UNC79: variants seen among roughly 807,000 people sequenced by gnomAD.
The protein encoded by UNC79 is unc-79 subunit of NALCN channel complex.
A neutral mutation model predicts 283.1 loss-of-function variants in UNC79; 37 were observed. The ratio of observed to expected loss-of-function variants is 0.13; its 90% CI spans 0.10 to 0.17. UNC79 has a LOEUF of 0.17. Ranked by LOEUF, UNC79 falls within the 10% of genes least tolerant of loss-of-function variation. UNC79 has a pLI of 1.00. For missense variants in UNC79, 2,272 were observed against 3,211.1 expected (o/e 0.71, Z 7.07); for synonymous variants, 1,107 against 1,200.2 (o/e 0.92, Z 1.61).
chr14:93,512,247 T>C (rs1179577379), intron 7 of UNC79, among the ~76,000 whole-genome samples: 1 of 152,196 alleles, frequency 6.6e-6, no homozygotes, highest in Non-Finnish European at 1.5e-5. Context: ...AATAGGAAAT[T>C]ACATATTATT....
In UNC79 at chr14:93,372,155, ATACTT is replaced by A. The variant is rs1057483775; in HGVS notation, c.-351+38635_-351+38639del. 9.2e-5 allele frequency among the ~76,000 whole-genome samples: 14 copies of A among 152,148 alleles called. No homozygotes were observed. The East Asian group carries it at 2.4e-3, about 26-fold the overall frequency. On this transcript the variant is annotated intron_variant, in intron 1 of 49. Transcript: ENST00000256339. The stretch of plus-strand genomic sequence containing the variant: ...TAAAGAAGGAATAAGTGAAGATAAA[ATACTT>A]TAATTTTTCTTCTTAATTGGTCATA...
intron 1 of UNC79, among the ~76,000 whole-genome samples, chr14:93,442,926 TA>T (rs1305655640): frequency 6.6e-6 from 1 of 152,116 alleles, no homozygotes; most frequent in East Asian, 1.9e-4. Flanking sequence ...CTATATCTAC[TA>T]AAAGTACAAA....
At chr14:93,524,925 A>G (rs2140997183) in intron 8 of UNC79, among the ~76,000 whole-genome samples, 1 of 152,268 alleles carries the variant, frequency 6.6e-6, no homozygotes, top group East Asian at 1.9e-4. Flanking sequence ...ACCAAATACT[A>G]ATAGAAAACT....
intron 1 of UNC79, among the ~76,000 whole-genome samples, chr14:93,343,656 A>G (rs576171032): frequency 6.6e-6 from 1 of 152,334 alleles, no homozygotes; most frequent in East Asian, 1.9e-4. Flanking sequence ...GGGCTGAGGT[A>G]GTGCAATCTT....
rs1555398886 is a variant in UNC79 at position 93,357,858 on chromosome 14, T to TATATATGG, written c.-351+24350_-351+24357dup. Among the ~76,000 whole-genome samples the TATATATGG allele has an allele frequency of 7.7e-4, 36 of 46,984 alleles. 1 individual carries two copies. In the Admixed American group the frequency reaches 1.0e-2, roughly 13 times the overall value. 30.8% of individuals were successfully genotyped at this position (46,984 alleles called of 152,430 possible). A position where few individuals can be genotyped will look rare whatever the true frequency, so the allele number is the denominator to read the frequency against. ...ATGTATATATATGGATATATGGATA[T>TATATATGG]ATATATGGATATATGGATATATATA... On this transcript the variant is annotated intron_variant, in intron 1 of 49. Transcript: ENST00000256339.
chr14:93,633,741 T>C (rs1162166383), intron 31 of UNC79, among the ~76,000 whole-genome samples: 2 of 152,174 alleles, frequency 1.3e-5, no homozygotes, highest in Non-Finnish European at 2.9e-5. Flanking sequence ...TTTTTCATTG[T>C]TTTCTGGTTT....
Position 93,436,203 on chromosome 14 carries a change from A to C in UNC79, c.22+5152A>C, listed in dbSNP as rs1205049884. 2.6e-5 allele frequency among the ~76,000 whole-genome samples: 4 copies of C among 152,190 alleles called. No individual in the cohort carries two copies. The East Asian group carries it at 7.7e-4, about 29-fold the overall frequency. ...GATATCATTAATTTGAAGATTTTAC[A>C]TTTTTGTTAATATGAAGTTCTGCAT... On this transcript the variant is annotated intron_variant, in intron 1 of 48. Transcript: ENST00000555664.
At chr14:93,462,915 A>G (rs1012106315) in intron 1 of UNC79, among the ~76,000 whole-genome samples, 6 of 152,144 alleles carry the variant, frequency 3.9e-5, no homozygotes, top group African/African-American at 1.2e-4. Flanking sequence ...GAGGCCTGTT[A>G]TTCACAACAG....
At chr14:93,551,316 T>C (rs1368267354) in intron 14 of UNC79, among the ~76,000 whole-genome samples, 1 of 152,240 alleles carries the variant, frequency 6.6e-6, no homozygotes, top group East Asian at 1.9e-4. Flanking sequence ...CCCAAAGTGC[T>C]GGGATTACAG....
chr14:93,484,172 A>G (rs2058290463), intron 4 of UNC79, among the ~76,000 whole-genome samples: 1 of 152,160 alleles, frequency 6.6e-6, no homozygotes, highest in African/African-American at 2.4e-5. Context: ...CTATTTCTCC[A>G]CATCCTCTCC....
intron 20 of UNC79, among the ~76,000 whole-genome samples, chr14:93,586,014 T>C (rs1473921855): frequency 6.6e-6 from 1 of 151,956 alleles, no homozygotes; most frequent in Non-Finnish European, 1.5e-5. Flanking sequence ...CCCAAGTAGC[T>C]GTGATTACAG....
At position 93,611,572 on chromosome 14, in the gene UNC79, C is replaced by G. The variant is rs184271789; in HGVS notation, c.3755-1225C>G. Among the ~76,000 whole-genome samples the G allele has an allele frequency of 2.3e-3, 356 of 152,254 alleles. 2 individuals are homozygous for G. The highest frequency in any genetic ancestry group is 8.2e-3 in the African/African-American group (339 of 41,536). On this transcript the variant is annotated intron_variant, in intron 26 of 48. Transcript: ENST00000555664. ...TCCCAGAAACATTTCTTATGCCTCGCGTCTCTTGGCTGTGTCCTGGAAGGC... is the reference window on the plus strand; with the variant it reads ...TCCCAGAAACATTTCTTATGCCTCGGGTCTCTTGGCTGTGTCCTGGAAGGC...
intron 14 of UNC79, among the ~76,000 whole-genome samples, chr14:93,544,229 A>T (rs1047190774): frequency 4.6e-5 from 7 of 152,264 alleles, no homozygotes. Context: ...AAGTTTATTT[A>T]TGAGTACATG....
chr14:93,411,206 T>A (rs2055329787), intron 1 of UNC79, among the ~76,000 whole-genome samples: 1 of 152,152 alleles, frequency 6.6e-6, no homozygotes, highest in Non-Finnish European at 1.5e-5. Context: ...ATGAGGCCCC[T>A]CTGCCTCTAG....
chr14:93,565,089 G>A (rs1044947121), intron 14 of UNC79, among the ~76,000 whole-genome samples: 2 of 152,178 alleles, frequency 1.3e-5, no homozygotes, highest in Non-Finnish European at 2.9e-5. Context: ...AAGATCAGGT[G>A]TCCATTGAGC....
chr14:93,684,650 A>C (rs1316651780), intron 42 of UNC79, among the ~76,000 whole-genome samples: 3 of 152,180 alleles, frequency 2.0e-5, no homozygotes, highest in African/African-American at 7.2e-5. Flanking sequence ...AAAACTTGGA[A>C]GGAAATATTA....
intron 32 of UNC79, among the ~76,000 whole-genome samples, chr14:93,638,998 G>T (rs752781552): frequency 6.6e-6 from 1 of 152,052 alleles, no homozygotes; most frequent in African/African-American, 2.4e-5. Flanking sequence ...CATACATTCC[G>T]TGCTGTCATA....
At chr14:93,362,481 T>A (rs1263393899) in intron 1 of UNC79, among the ~76,000 whole-genome samples, 1 of 152,138 alleles carries the variant, frequency 6.6e-6, no homozygotes, top group Non-Finnish European at 1.5e-5. Flanking sequence ...CCCAAGTAGC[T>A]AGGATTACAG....
intron 1 of UNC79, among the ~76,000 whole-genome samples, chr14:93,343,930 G>C (rs1220973021): frequency 6.0e-5 from 9 of 150,822 alleles, no homozygotes; most frequent in Admixed American, 4.0e-4. Context: ...GTAGAGGTTT[G>C]AGTTAACAGT....
Sources: gnomAD v4.1 joint callset for allele counts (sites outside exome capture counted in the v4.1 genomes callset) on GRCh38, gnomAD v4.1.1 for gene constraint, MANE v1.5 for transcripts, NCBI Gene and HGNC (gene_info 2026-07-23, HGNC 2026-07-21) for gene names.